The following KAZN variants were observed in gnomAD, a reference collection of about 807,000 sequenced individuals.
KAZN encodes the protein kazrin, periplakin interacting protein.
A neutral mutation model predicts 87.4 loss-of-function variants in KAZN; 40 were observed. That is an observed-to-expected ratio of 0.46 (90% confidence interval 0.36 to 0.60). KAZN has a LOEUF of 0.60. Among genes scored for constraint, KAZN ranks in the 20% least tolerant of loss-of-function variants. KAZN has a pLI of 0.00. For missense variants in KAZN, 898 were observed against 1,073.9 expected (o/e 0.84, Z 2.29); for synonymous variants, 466 against 458.3 (o/e 1.02, Z -0.22).
rs1297047837 is a variant in KAZN, at chr1:15,116,547, G to C, written c.*1912G>C. Reference sequence around the variant, plus strand: ...AAATTCCATTATCTTCATGACATTCGGCCTCATCCATAGGGTCCTGAAGCT... The same window carrying C: ...AAATTCCATTATCTTCATGACATTCCGCCTCATCCATAGGGTCCTGAAGCT... On this transcript the variant is annotated 3_prime_UTR_variant, in exon 15 of 15. Coordinates refer to ENST00000376030, the MANE Select transcript of KAZN (RefSeq NM_201628.3). 6.6e-6 allele frequency: 1 copy of C among 152,068 alleles called. No homozygotes were observed. Among genetic ancestry groups the C allele is most frequent in the Non-Finnish European group, 1.5e-5 (1 of 68,042 alleles). The allele number at this position is 152,068 out of a possible 1,614,324, so 9.4% of individuals were successfully genotyped here.
chr1:14,559,204 A>C (rs760164361), intron 2 of KAZN, among the ~76,000 whole-genome samples: 2 of 152,198 alleles, frequency 1.3e-5, no homozygotes, highest in Non-Finnish European at 2.9e-5. Flanking sequence ...AGGATACTGC[A>C]TGTGTAGAGT....
Position 14,475,362 on chromosome 1 carries a change from C to T in KAZN, c.250-123621C>T, listed in dbSNP as rs1009391619. 2.6e-5 allele frequency among the ~76,000 whole-genome samples: 4 copies of T among 152,278 alleles called. No individual in the cohort carries two copies. The East Asian group carries it at 5.8e-4, about 22-fold the overall frequency. ...TCTGAAAAGAGGACTTTAATATATA[C>T]GTTCGGAAAATAATGTGAAGAATAA... On this transcript the variant is annotated intron_variant, in intron 2 of 16. Coordinates refer to the KAZN transcript ENST00000636203.
chr1:14,808,336 C>T (rs560290939), intron 1 of KAZN, among the ~76,000 whole-genome samples: 1 of 143,628 alleles, frequency 7.0e-6, no homozygotes, highest in Non-Finnish European at 1.5e-5. Context: ...CACTCTGTCA[C>T]CCCAGGCTGG....
intron 1 of KAZN, among the ~76,000 whole-genome samples, chr1:14,852,191 GCTGT>G (rs1649529922): frequency 1.3e-5 from 2 of 152,128 alleles, no homozygotes; most frequent in Non-Finnish European, 2.9e-5. Context: ...CCACCTTGGG[GCTGT>G]CTAACTGGAC....
chr1:14,851,570 C>G (rs1649449632), intron 1 of KAZN, among the ~76,000 whole-genome samples: 1 of 152,206 alleles, frequency 6.6e-6, no homozygotes, highest in South Asian at 2.1e-4. Context: ...TTCAGGGGGC[C>G]TGTTGAGGGC....
intron 1 of KAZN, among the ~76,000 whole-genome samples, chr1:14,763,612 C>T (rs1644803886): frequency 6.6e-6 from 1 of 152,224 alleles, no homozygotes; most frequent in African/African-American, 2.4e-5. Context: ...TCTGTAATTA[C>T]TCAAGGCAGG....
intron 1 of KAZN, among the ~76,000 whole-genome samples, chr1:14,106,365 A>G (rs139811677): frequency 1.3e-5 from 2 of 152,326 alleles, no homozygotes; most frequent in Non-Finnish European, 2.9e-5. Flanking sequence ...AACTTGCTAT[A>G]TATTTAGAAC....
chr1:15,024,137 T>C (rs868734950), intron 2 of KAZN, among the ~76,000 whole-genome samples: 21 of 151,788 alleles, frequency 1.4e-4, no homozygotes, highest in African/African-American at 5.1e-4. Flanking sequence ...AAGCCTGTGG[T>C]TGGACTGAAG....
At chr1:14,903,815 C>T (rs1656195651) in intron 1 of KAZN, among the ~76,000 whole-genome samples, 1 of 152,246 alleles carries the variant, frequency 6.6e-6, no homozygotes, top group Admixed American at 6.5e-5. Context: ...TGAATGCTAA[C>T]TCTGGCAGAT....
At chr1:14,824,266 G>C (rs1247797921) in intron 1 of KAZN, among the ~76,000 whole-genome samples, 1 of 147,690 alleles carries the variant, frequency 6.8e-6, no homozygotes, top group African/African-American at 2.7e-5. Context: ...GGGACAGCAC[G>C]AAAGAAAGAG....
chr1:14,173,024 C>A (rs1243762809), intron 1 of KAZN, among the ~76,000 whole-genome samples: 1 of 152,120 alleles, frequency 6.6e-6, no homozygotes, highest in African/African-American at 2.4e-5. Context: ...TATGACCTAG[C>A]CTTAGAAATC....
intron 2 of KAZN, among the ~76,000 whole-genome samples, chr1:14,533,889 T>C (rs1024257941): frequency 1.2e-4 from 18 of 152,212 alleles, no homozygotes; most frequent in South Asian, 2.1e-4. Context: ...GTCAGGGTTA[T>C]AGAAGGAATC....
At chr1:14,077,932 A>G (rs1484144940) in intron 1 of KAZN, among the ~76,000 whole-genome samples, 1 of 151,982 alleles carries the variant, frequency 6.6e-6, no homozygotes, top group Non-Finnish European at 1.5e-5. Context: ...ACGGAGAGAA[A>G]GGTGTGGAAC....
At chr1:14,327,912 T>C (rs1656556637) in intron 2 of KAZN, among the ~76,000 whole-genome samples, 1 of 152,256 alleles carries the variant, frequency 6.6e-6, no homozygotes. Flanking sequence ...ATGGTCTTGC[T>C]AAGCTATCTG....
In KAZN at chr1:15,098,438, T is replaced by A. The variant is rs1640891516; in HGVS notation, c.1548-3105T>A. 2.0e-5 allele frequency among the ~76,000 whole-genome samples: 3 copies of A among 152,330 alleles called. No homozygotes were observed. In the South Asian group the frequency reaches 6.2e-4, roughly 32 times the overall value. ...TAATTGTGGGCATGCAGATGGAGATTGCTGATTATGGATGGGCCCCTCTCG... is the reference window on the plus strand; with the variant it reads ...TAATTGTGGGCATGCAGATGGAGATAGCTGATTATGGATGGGCCCCTCTCG... On this transcript the variant is annotated intron_variant, in intron 10 of 14. Transcript: ENST00000376030.
At chr1:14,678,655 G>A (rs1452385852) in intron 1 of KAZN, among the ~76,000 whole-genome samples, 1 of 152,206 alleles carries the variant, frequency 6.6e-6, no homozygotes, top group African/African-American at 2.4e-5. Context: ...GCTGTTTGAT[G>A]CAGGGCGAGC....
chr1:14,312,587 TA>T (rs947111336), intron 2 of KAZN, among the ~76,000 whole-genome samples: 1 of 152,204 alleles, frequency 6.6e-6, no homozygotes, highest in Admixed American at 6.5e-5. Context: ...TAAACGTTTT[TA>T]TTGAAGTATA....
At chr1:14,079,895 C>T (rs1643606287) in intron 1 of KAZN, among the ~76,000 whole-genome samples, 2 of 150,920 alleles carry the variant, frequency 1.3e-5, no homozygotes. Context: ...CCATCAGGCC[C>T]CACCTCCGAC....
At chr1:14,918,761 T>C (rs1226013755) in intron 1 of KAZN, among the ~76,000 whole-genome samples, 2 of 140,200 alleles carry the variant, frequency 1.4e-5, no homozygotes, top group Non-Finnish European at 3.1e-5. Context: ...CTGGGAGGAA[T>C]TGCATCTTGC....
Sources: allele counts gnomAD v4.1 joint callset (sites outside exome capture counted in the v4.1 genomes callset), GRCh38; gene constraint gnomAD v4.1.1; transcripts MANE v1.5; gene names NCBI Gene and HGNC (gene_info 2026-07-23, HGNC 2026-07-21).